LRP1B: variants seen among roughly 807,000 people sequenced by gnomAD.
The protein encoded by LRP1B is low-density lipoprotein receptor-related protein 1B.
Under a neutral mutation model 556.6 loss-of-function variants are expected in LRP1B, and 217 were observed. The ratio of observed to expected loss-of-function variants is 0.39; its 90% CI spans 0.35 to 0.44. The LOEUF is 0.44. Ranked by LOEUF, LRP1B falls within the 20% of genes least tolerant of loss-of-function variation. LRP1B has a pLI of 1.00. For missense variants in LRP1B, 5,053 were observed against 5,620.8 expected (o/e 0.90, Z 3.23); for synonymous variants, 2,047 against 1,865.8 (o/e 1.10, Z -2.50).
At chr2:140,476,419 T>C (rs1041968282) in intron 59 of LRP1B, among the ~76,000 whole-genome samples, 2 of 152,064 alleles carry the variant, frequency 1.3e-5, no homozygotes, top group Non-Finnish European at 2.9e-5. Context: ...TTTTAGATGA[T>C]TGTAAAACTG....
intron 39 of LRP1B, 81 bp downstream of exon 39, chr2:140,702,060 A>C: frequency 3.3e-6 from 5 of 1,497,064 alleles, no homozygotes; most frequent in Non-Finnish European, 4.5e-6. Flanking sequence ...CTTGCTAAGA[A>C]ATGGTAAATC....
chr2:141,151,754 C>T (rs1701932335), intron 7 of LRP1B, among the ~76,000 whole-genome samples: 1 of 152,052 alleles, frequency 6.6e-6, no homozygotes, highest in Admixed American at 6.6e-5. Context: ...AGCTTGATGT[C>T]TAGACTCAGC....
At chr2:141,077,728 G>C (rs374362051) in intron 7 of LRP1B, among the ~76,000 whole-genome samples, 3 of 152,072 alleles carry the variant, frequency 2.0e-5, no homozygotes, top group Non-Finnish European at 4.4e-5. Context: ...CTTCCCTTCC[G>C]GATTGCCTGC....
At chr2:140,250,427 T>C (rs755507873) in intron 86 of LRP1B, among the ~76,000 whole-genome samples, 1 of 151,872 alleles carries the variant, frequency 6.6e-6, no homozygotes, top group Non-Finnish European at 1.5e-5. Context: ...TTTATCCTTC[T>C]TTATTTACAT....
rs115048417 is a variant in LRP1B at position 140,567,235 on chromosome 2, A to C, written c.7195-25264T>G. Among the ~76,000 whole-genome samples the C allele has an allele frequency of 3.7e-3, 557 of 152,208 alleles. 3 individuals are homozygous for C. The highest frequency in any genetic ancestry group is 0.013 in the African/African-American group (525 of 41,524). ...AGCTGCCCCTTGCCCCCAGGGTCCA[A>C]GCAACAGCTGTGTTCTGCCATTTTG... On this transcript the variant is annotated intron_variant, in intron 43 of 90. Transcript: ENST00000389484.
intron 1 of LRP1B, among the ~76,000 whole-genome samples, chr2:142,112,567 T>A (rs1559077414): frequency 6.6e-6 from 1 of 152,114 alleles, no homozygotes; most frequent in Non-Finnish European, 1.5e-5. Context: ...AGGCATTTGT[T>A]CCATCTATTG....
chr2:141,348,432 A>G (rs1318086754), intron 3 of LRP1B, among the ~76,000 whole-genome samples: 2 of 152,048 alleles, frequency 1.3e-5, no homozygotes, highest in Admixed American at 1.3e-4. Flanking sequence ...GCAAGATAAT[A>G]TAATGGTCAA....
intron 2 of LRP1B, among the ~76,000 whole-genome samples, chr2:141,669,045 G>A (rs1333405611): frequency 6.6e-6 from 1 of 152,104 alleles, no homozygotes; most frequent in African/African-American, 2.4e-5. Context: ...GTTAGTTTGT[G>A]TTCTCCCAAA....
At position 141,319,299 on chromosome 2, in the gene LRP1B, G is replaced by GTTTTTTTTTTTTTTTTTTTTT. The variant is rs201761576; in HGVS notation, c.344-64659_344-64658insAAAAAAAAAAAAAAAAAAAAA. ...CATAATGTAGTCTCTAAAAAGCAGT[G>GTTTTTTTTTTTTTTTTTTTTT]TTTTTTTGTTGTTTTTTTTTTTTTT... On this transcript the variant is annotated intron_variant, in intron 3 of 90. Transcript: ENST00000389484. 2.1e-4 allele frequency among the ~76,000 whole-genome samples: 17 copies of GTTTTTTTTTTTTTTTTTTTTT among 80,440 alleles called. 2 individuals are homozygous for GTTTTTTTTTTTTTTTTTTTTT. Among genetic ancestry groups the GTTTTTTTTTTTTTTTTTTTTT allele is most frequent in the African/African-American group, 4.6e-4 (9 of 19,592 alleles). 52.8% of individuals were successfully genotyped at this position (80,440 alleles called of 152,430 possible).
chr2:140,652,360 G>A (rs1480034334), intron 41 of LRP1B, among the ~76,000 whole-genome samples: 1 of 151,914 alleles, frequency 6.6e-6, no homozygotes, highest in East Asian at 1.9e-4. Context: ...TAGAATAAAG[G>A]AAGTTATCAA....
intron 15 of LRP1B, among the ~76,000 whole-genome samples, chr2:140,996,046 C>T (rs1189444111): frequency 6.6e-6 from 1 of 151,952 alleles, no homozygotes; most frequent in Non-Finnish European, 1.5e-5. Context: ...GGATAAAATC[C>T]TTTGTGTCTA....
At chr2:141,538,426 G>A (rs1208386313) in intron 2 of LRP1B, among the ~76,000 whole-genome samples, 1 of 152,010 alleles carries the variant, frequency 6.6e-6, no homozygotes, top group Non-Finnish European at 1.5e-5. Context: ...CCACTAAAAA[G>A]CCTTTTTAGC....
chr2:142,006,722 A>C (rs988425605), intron 1 of LRP1B, among the ~76,000 whole-genome samples: 7 of 151,754 alleles, frequency 4.6e-5, no homozygotes, highest in Non-Finnish European at 1.0e-4. Context: ...TTTTTTTTTC[A>C]AAAATTTCTG....
chr2:140,730,929 C>G (rs538971866), intron 35 of LRP1B, among the ~76,000 whole-genome samples: 1 of 152,116 alleles, frequency 6.6e-6, no homozygotes, highest in African/African-American at 2.4e-5. Flanking sequence ...AGACCATAAG[C>G]GCTTTTCTGG....
At chr2:141,682,437 A>G (rs558287302) in intron 2 of LRP1B, among the ~76,000 whole-genome samples, 7 of 152,264 alleles carry the variant, frequency 4.6e-5, no homozygotes, top group South Asian at 4.1e-4. Context: ...CCTGACAGTC[A>G]GGAATTAAAT....
intron 6 of LRP1B, among the ~76,000 whole-genome samples, chr2:141,202,709 A>G (rs2105229646): frequency 6.6e-6 from 1 of 150,800 alleles, no homozygotes; most frequent in East Asian, 2.0e-4. Context: ...CACACGTTAC[A>G]TCTTTTTTGA....
At chr2:140,520,020 T>TAAACTA (rs1690091166) in intron 49 of LRP1B, among the ~76,000 whole-genome samples, 6 of 151,582 alleles carry the variant, frequency 4.0e-5, no homozygotes, top group Non-Finnish European at 7.4e-5. Context: ...TTTTTGGGAG[T>TAAACTA]GTTCAACCAT....
At chr2:140,601,733 G>A in intron 41 of LRP1B, 94 bp from the exon 42 acceptor site, 1 of 673,798 alleles carries the variant, frequency 1.5e-6, no homozygotes, top group Non-Finnish European at 2.2e-6. Flanking sequence ...ATGTATACCT[G>A]TTATTTCATC....
intron 43 of LRP1B, among the ~76,000 whole-genome samples, chr2:140,564,656 C>G (rs1681060199): frequency 6.6e-6 from 1 of 152,050 alleles, no homozygotes; most frequent in African/African-American, 2.4e-5. Flanking sequence ...AATGGAAACT[C>G]TCTTATTCCA....
Sources: gnomAD v4.1 joint callset for allele counts (sites outside exome capture counted in the v4.1 genomes callset) on GRCh38, gnomAD v4.1.1 for gene constraint, MANE v1.5 for transcripts, NCBI Gene and HGNC (gene_info 2026-07-23, HGNC 2026-07-21) for gene names.